RARB: variants seen among roughly 807,000 people sequenced by gnomAD.
RARB encodes retinoic acid receptor beta, also known as HBV-activated protein.
A neutral mutation model predicts 51.9 loss-of-function variants in RARB; 17 were observed. That is an observed-to-expected ratio of 0.33 (90% CI 0.22 to 0.49). RARB has a LOEUF of 0.49. RARB is among the 20% of genes least tolerant of loss of function. The pLI is 0.99. For synonymous variants in RARB, 215 were observed against 195.4 expected (o/e 1.10, Z -0.84); for missense variants, 369 against 550.8 (o/e 0.67, Z 3.30).
intron 2 of RARB, among the ~76,000 whole-genome samples, chr3:24,920,358 A>G (rs13326208): frequency 0.55 from 84,193 of 152,000 alleles, 24,546 homozygotes; most frequent in East Asian, 0.74. Flanking sequence ...CAGAAAGGAA[A>G]ATCACAGATT....
chr3:25,059,487 TTAG>T lies in RARB; in HGVS notation c.-379-633_-379-631del, dbSNP rs879793651. 6.6e-5 allele frequency among the ~76,000 whole-genome samples: 10 copies of T among 151,994 alleles called. No individual in the cohort carries two copies. The South Asian group carries it at 1.2e-3, about 19-fold the overall frequency. Reference sequence around the variant, plus strand: ...GTTTTTATTTTTAACTTCTGTCATTTTAGTAGTCATAAAATGACTAAAAAACCA... The same window carrying T: ...GTTTTTATTTTTAACTTCTGTCATTTTAGTCATAAAATGACTAAAAAACCA... On this transcript the variant is annotated intron_variant, in intron 2 of 11. Transcript: ENST00000383772.
At chr3:25,387,891 A>C (rs140449084) in intron 5 of RARB, among the ~76,000 whole-genome samples, 3 of 152,254 alleles carry the variant, frequency 2.0e-5, no homozygotes, top group African/African-American at 7.2e-5. Flanking sequence ...AAAAAAGAGC[A>C]TTAAATGTTT....
intron 4 of RARB, among the ~76,000 whole-genome samples, chr3:25,146,252 T>G (rs1270246396): frequency 6.6e-6 from 1 of 152,220 alleles, no homozygotes; most frequent in Non-Finnish European, 1.5e-5. Context: ...ACTCTTGATC[T>G]AAATGTTCAA....
At chr3:25,177,001 A>C (rs1336021506) in intron 5 of RARB, among the ~76,000 whole-genome samples, 1 of 152,166 alleles carries the variant, frequency 6.6e-6, no homozygotes, top group Non-Finnish European at 1.5e-5. Flanking sequence ...GGAGAGTGCT[A>C]AGTAACTGCA....
intron 2 of RARB, among the ~76,000 whole-genome samples, chr3:24,939,173 TGG>T (rs1238005042): frequency 1.3e-5 from 2 of 152,078 alleles, no homozygotes; most frequent in African/African-American, 4.8e-5. Flanking sequence ...TAGTAGAAAC[TGG>T]GTTTCATTGT....
chr3:25,471,225 A>C (rs1047326538), intron 2 of RARB, among the ~76,000 whole-genome samples: 2 of 152,146 alleles, frequency 1.3e-5, no homozygotes, highest in Non-Finnish European at 2.9e-5. Context: ...CTTCTACCTC[A>C]GTTAACCTTC....
At chr3:25,088,795 G>A (rs913996050) in intron 3 of RARB, among the ~76,000 whole-genome samples, 1 of 152,000 alleles carries the variant, frequency 6.6e-6, no homozygotes, top group Non-Finnish European at 1.5e-5. Context: ...TTGAAAAGCC[G>A]CTCCCAGAGT....
At chr3:25,345,781 G>GT (rs1281932316) in intron 5 of RARB, among the ~76,000 whole-genome samples, 2 of 151,954 alleles carry the variant, frequency 1.3e-5, no homozygotes, top group African/African-American at 4.8e-5. Flanking sequence ...AAGTAAATAA[G>GT]TTTCTCAGAG....
rs149780904 is a variant in RARB, at chr3:24,876,576, T to A, written c.-380+17824T>A. On this transcript the variant is annotated intron_variant, in intron 2 of 11. Coordinates refer to the RARB transcript ENST00000383772. ...ATTAGCATTTAATATTTTAGCTTTT[T>A]AACCCATAATACTCTAGAAATATGT... Among the ~76,000 whole-genome samples the A allele has an allele frequency of 2.8e-3, 432 of 152,292 alleles. 1 individual carries two copies. Among genetic ancestry groups the A allele is most frequent in the African/African-American group, 1.0e-2 (414 of 41,590 alleles).
chr3:24,865,115 A>T (rs184602683), intron 2 of RARB, among the ~76,000 whole-genome samples: 322 of 152,294 alleles, frequency 2.1e-3, no homozygotes, highest in Non-Finnish European at 2.1e-3. Context: ...CATTACCTAC[A>T]GATAATATTC....
chr3:25,208,430 C>T (rs1353786556), intron 5 of RARB, among the ~76,000 whole-genome samples: 1 of 152,140 alleles, frequency 6.6e-6, no homozygotes, highest in Non-Finnish European at 1.5e-5. Flanking sequence ...CTCCTGTTGA[C>T]CTTTCAAGCA....
chr3:25,518,088 C>T (rs1356288366), intron 3 of RARB, among the ~76,000 whole-genome samples: 3 of 152,148 alleles, frequency 2.0e-5, no homozygotes, highest in African/African-American at 4.8e-5. Context: ...TATTAAAAAC[C>T]ACTGAATAAC....
chr3:25,046,610 T>C (rs906648547), intron 2 of RARB, among the ~76,000 whole-genome samples: 4 of 151,978 alleles, frequency 2.6e-5, no homozygotes, highest in Non-Finnish European at 5.9e-5. Flanking sequence ...CACACCACCA[T>C]GCTCAGCTAA....
chr3:25,500,930 T>G (rs992162044), intron 2 of RARB, among the ~76,000 whole-genome samples: 6 of 152,204 alleles, frequency 3.9e-5, no homozygotes, highest in African/African-American at 1.4e-4. Context: ...TAAATCAGCT[T>G]GGAATTAACT....
At chr3:25,417,510 T>C (rs1356221707) in intron 5 of RARB, among the ~76,000 whole-genome samples, 2 of 152,122 alleles carry the variant, frequency 1.3e-5, no homozygotes, top group Admixed American at 1.3e-4. Context: ...TCTCACAAAA[T>C]CCAATGGTTT....
At chr3:25,425,055 G>C (rs995414591), upstream of RARB, among the ~76,000 whole-genome samples, 1 of 152,100 alleles carries the variant, frequency 6.6e-6, no homozygotes, top group African/African-American at 2.4e-5. Context: ...CTTGTTGGTT[G>C]GAAATACATT....
chr3:25,119,505 A>G (rs1699744396), intron 3 of RARB, among the ~76,000 whole-genome samples: 1 of 152,124 alleles, frequency 6.6e-6, no homozygotes, highest in Non-Finnish European at 1.5e-5. Context: ...ACAATGCTCA[A>G]CAAACATTGG....
chr3:24,966,059 G>T (rs542139862), intron 2 of RARB, among the ~76,000 whole-genome samples: 4 of 151,576 alleles, frequency 2.6e-5, no homozygotes, highest in African/African-American at 7.3e-5. Context: ...TATTCAGAAA[G>T]TTTAGAAATG....
At chr3:25,469,283 C>G (rs934564742) in intron 2 of RARB, among the ~76,000 whole-genome samples, 6 of 152,180 alleles carry the variant, frequency 3.9e-5, no homozygotes. Context: ...TTTAAATGAG[C>G]TTAATGATTT....
Sources: allele counts gnomAD v4.1 joint callset (sites outside exome capture counted in the v4.1 genomes callset), GRCh38; gene constraint gnomAD v4.1.1; transcripts MANE v1.5; gene names NCBI Gene and HGNC (gene_info 2026-07-23, HGNC 2026-07-21).